CSNK1E: variants seen among roughly 807,000 people sequenced by gnomAD.
CSNK1E encodes the protein casein kinase I isoform epsilon.
A neutral mutation model predicts 46.1 loss-of-function variants in CSNK1E; 17 were observed. The observed-to-expected ratio is 0.37, with a 90% CI of 0.25 to 0.55. The LOEUF (loss-of-function observed/expected upper bound fraction) is 0.55. Ranked by LOEUF, CSNK1E falls within the 20% of genes least tolerant of loss-of-function variation. CSNK1E has a pLI of 0.82. For missense variants in CSNK1E, 386 were observed against 595.4 expected (o/e 0.65, Z 3.66); for synonymous variants, 241 against 242.6 (o/e 0.99, Z 0.06).
At chr22:38,295,737 G>A (rs1327095168) in intron 7 of CSNK1E, among the ~76,000 whole-genome samples, 1 of 152,212 alleles carries the variant, frequency 6.6e-6, no homozygotes, top group Non-Finnish European at 1.5e-5. Flanking sequence ...TGCACCCCAA[G>A]AGGTCACTGT....
chr22:38,301,383 C>T (rs2092671310), intron 4 of CSNK1E, among the ~76,000 whole-genome samples: 1 of 152,042 alleles, frequency 6.6e-6, no homozygotes, highest in Non-Finnish European at 1.5e-5. Context: ...ACACAAAAGA[C>T]AGGGCTTCCG....
At chr22:38,293,989 T>G (rs2092625696) in intron 9 of CSNK1E, 120 bp downstream of exon 9, 1 of 1,218,292 alleles carries the variant, frequency 8.2e-7, no homozygotes. Flanking sequence ...ACAGAAGGGG[T>G]TCACTCCAAG....
chr22:38,313,935 G>A (rs887774446), intron 2 of CSNK1E, 147 bp downstream of exon 2: 20 of 708,122 alleles, frequency 2.8e-5, no homozygotes, highest in Non-Finnish European at 4.7e-5. Flanking sequence ...GCAACCTGCT[G>A]CTTCCTTCCC....
chr22:38,314,642 AC>A (rs1350336637), intron 1 of CSNK1E, among the ~76,000 whole-genome samples: 2 of 151,738 alleles, frequency 1.3e-5, no homozygotes, highest in African/African-American at 2.4e-5. Flanking sequence ...CCTTCCAGCC[AC>A]CTCCCCATCT....
At chr22:38,316,703 G>T (rs2092747799) in intron 1 of CSNK1E, 1 of 152,288 alleles carries the variant, frequency 6.6e-6, no homozygotes, top group Non-Finnish European at 1.5e-5. Flanking sequence ...ACGAGCGGGC[G>T]CAGCCTTGCG....
chr22:38,317,653 C>T (rs558932573), upstream of CSNK1E, among the ~76,000 whole-genome samples: 200 of 151,896 alleles, frequency 1.3e-3, no homozygotes, highest in African/African-American at 4.8e-3. Context: ...CAGTCCAGGG[C>T]ACAGGTGGAA....
chr22:38,297,300 A>G, intron 7 of CSNK1E: 1 of 611,324 alleles, frequency 1.6e-6, no homozygotes, highest in Admixed American at 2.7e-5. Context: ...CCAGGTGCTC[A>G]AGGCCATGGG....
At chr22:38,312,167 T>C (rs1401372805) in intron 2 of CSNK1E, among the ~76,000 whole-genome samples, 2 of 152,194 alleles carry the variant, frequency 1.3e-5, no homozygotes, top group Non-Finnish European at 2.9e-5. Context: ...CAGCTCACTG[T>C]AGCCTCAACC....
chr22:38,298,291 AC>A lies in CSNK1E; in HGVS notation c.885+494del. On this transcript the variant is annotated intron_variant, in intron 7 of 10. Transcript: ENST00000396832. This position sits in a 1 kb window ranked among gnomAD's most constrained non-coding sequence, Gnocchi z 4.2. ...GCCGGCCAATGCTGCTCCCCACCCA[AC>A]CCCACCCCTGGGACTCTTAAAAGAG... The A allele has an allele frequency of 2.0e-6, 2 of 994,006 alleles. No individual in the cohort carries two copies. Among genetic ancestry groups the A allele is most frequent in the Non-Finnish European group, 2.7e-6 (2 of 730,184 alleles). The allele number at this position is 994,006 out of a possible 1,614,324, so 61.6% of individuals were successfully genotyped here. A position where few individuals can be genotyped will look rare whatever the true frequency, so the allele number is the denominator to read the frequency against.
chr22:38,309,930 G>A lies in CSNK1E; in HGVS notation c.76+4152C>T, dbSNP rs1290878513. The stretch of plus-strand genomic sequence containing the variant: ...CTGCAGCAGGTCCTGCCACCAATGA[G>A]TTCCTTGGTGGCCTCTAAATTCTAT... On this transcript the variant is annotated intron_variant, in intron 2 of 10. Transcript: ENST00000396832. This position sits in a 1 kb window ranked among gnomAD's most constrained non-coding sequence, Gnocchi z 4.8. 6.6e-6 allele frequency among the ~76,000 whole-genome samples: 1 copy of A among 152,216 alleles called. No individual in the cohort carries two copies. Among genetic ancestry groups the A allele is most frequent in the Non-Finnish European group, 1.5e-5 (1 of 68,048 alleles).
chr22:38,298,024 AGGCTCAGCCTC>A lies in CSNK1E; in HGVS notation c.885+751_885+761del. On this transcript the variant is annotated intron_variant, in intron 7 of 10. Coordinates refer to ENST00000396832, the MANE Select transcript of CSNK1E (RefSeq NM_152221.3). The surrounding 1 kb of genome is among the most constrained non-coding windows in gnomAD (Gnocchi z 4.2). The stretch of plus-strand genomic sequence containing the variant: ...CTGAAAGGGACAAAAAGCACAGCTG[AGGCTCAGCCTC>A]TTGCGCTCACTGGTCAAGTGGCAAA... 1 of 1,148,078 alleles carries A rather than the reference AGGCTCAGCCTC, an allele frequency of 8.7e-7. No individual in the cohort carries two copies. The highest frequency in any genetic ancestry group is 1.1e-6 in the Non-Finnish European group (1 of 911,030). The allele number at this position is 1,148,078 out of a possible 1,614,324, so 71.1% of individuals were successfully genotyped here. A position where few individuals can be genotyped will look rare whatever the true frequency, so the allele number is the denominator to read the frequency against.
intron 7 of CSNK1E, chr22:38,297,139 T>C (rs2092645113): frequency 1.3e-6 from 1 of 778,996 alleles, no homozygotes; most frequent in African/African-American, 1.7e-5. Flanking sequence ...ATGGCTACCA[T>C]CTTGGACAGT....
intron 2 of CSNK1E, among the ~76,000 whole-genome samples, chr22:38,308,127 C>T (rs1026853839): frequency 6.6e-6 from 1 of 152,176 alleles, no homozygotes; most frequent in African/African-American, 2.4e-5. Context: ...GGACATTTCA[C>T]AGAAATAGAA....
In CSNK1E at chr22:38,309,785, A is replaced by C. The variant is rs1482382204; in HGVS notation, c.76+4297T>G. On this transcript the variant is annotated intron_variant, in intron 2 of 10. Transcript: ENST00000396832. This position sits in a 1 kb window ranked among gnomAD's most constrained non-coding sequence, Gnocchi z 4.8. ...TTGCATTTCTGTTTGACATGTGGAA[A>C]AACAGACACCAAAGGTCAAATGATC... Among the ~76,000 whole-genome samples, 1 of 152,146 alleles carries C rather than the reference A, an allele frequency of 6.6e-6. No individual in the cohort carries two copies. The highest frequency in any genetic ancestry group is 2.4e-5 in the African/African-American group (1 of 41,422).
rs1402573467 is a variant in CSNK1E, at chr22:38,294,637, T to G, written c.886-103A>C. 3 of 1,137,594 alleles carry G rather than the reference T, an allele frequency of 2.6e-6. No homozygotes were observed. The Admixed American group carries it at 8.8e-5, about 33-fold the overall frequency. 70.5% of individuals were successfully genotyped at this position (1,137,594 alleles called of 1,614,324 possible). A position where few individuals can be genotyped will look rare whatever the true frequency, so the allele number is the denominator to read the frequency against. On this transcript the variant is annotated intron_variant, in intron 7 of 10. Transcript: ENST00000396832. The surrounding 1 kb of genome is among the most constrained non-coding windows in gnomAD (Gnocchi z 5.5). Reference sequence around the variant, plus strand: ...GAAGGGGAGGGAGGCCAGGTGGATATCTCAGAAACCTTCTGCTCCAGCCTC... The same window carrying G: ...GAAGGGGAGGGAGGCCAGGTGGATAGCTCAGAAACCTTCTGCTCCAGCCTC...
intron 4 of CSNK1E, among the ~76,000 whole-genome samples, chr22:38,302,246 C>T (rs552405103): frequency 9.4e-3 from 427 of 45,374 alleles, no homozygotes; most frequent in Non-Finnish European, 0.013. Flanking sequence ...CCTGTGATCC[C>T]GTGTTAATTC....
Position 38,298,111 on chromosome 22 carries a change from C to T in CSNK1E, c.885+675G>A, listed in dbSNP as rs535235238. On this transcript the variant is annotated intron_variant, in intron 7 of 10. Transcript: ENST00000396832. This position sits in a 1 kb window ranked among gnomAD's most constrained non-coding sequence, Gnocchi z 4.2. ...ATCCTTACCAGTACGTGGGTGAGTACGTGGGCCCAGCACAGGGACAGGGGC... is the reference window on the plus strand; with the variant it reads ...ATCCTTACCAGTACGTGGGTGAGTATGTGGGCCCAGCACAGGGACAGGGGC... 1.4e-5 allele frequency: 18 copies of T among 1,271,946 alleles called. No homozygotes were observed. The highest frequency in any genetic ancestry group is 5.1e-5 in the Admixed American group (2 of 39,016). The allele number at this position is 1,271,946 out of a possible 1,614,324, so 78.8% of individuals were successfully genotyped here. A position where few individuals can be genotyped will look rare whatever the true frequency, so the allele number is the denominator to read the frequency against.
chr22:38,303,070 C>T lies in CSNK1E; in HGVS notation c.188-61G>A, dbSNP rs1476065674. ...GAGGCAGGCAGCCAGCCACGCCCGG[C>T]CCACCCTGTGCTCATGGCTGCCCAC... On this transcript the variant is annotated intron_variant, in intron 3 of 10. Transcript: ENST00000396832. The surrounding 1 kb of genome is among the most constrained non-coding windows in gnomAD (Gnocchi z 4.7). The T allele has an allele frequency of 3.7e-6, 6 of 1,600,808 alleles. No homozygotes were observed. In the African/African-American group the frequency reaches 5.4e-5, roughly 14 times the overall value.
intron 1 of CSNK1E, among the ~76,000 whole-genome samples, chr22:38,315,640 G>A (rs558964996): frequency 1.1e-4 from 12 of 111,312 alleles, no homozygotes; most frequent in Admixed American, 2.2e-4. Flanking sequence ...GGGGTAAGGG[G>A]GGGTGTGCAC....
Sources: allele counts gnomAD v4.1 joint callset (sites outside exome capture counted in the v4.1 genomes callset), GRCh38; gene constraint gnomAD v4.1.1; non-coding constraint Gnocchi (gnomAD v3.1); transcripts MANE v1.5; gene names NCBI Gene and HGNC (gene_info 2026-07-23, HGNC 2026-07-21).